The following NPHP4 variants were observed in gnomAD, a reference collection of about 807,000 sequenced individuals.
NPHP4 encodes nephrocystin 4.
In NPHP4, 151 loss-of-function variants were observed where a neutral mutation model predicts 155.8. That is an observed-to-expected ratio of 0.97 (90% confidence interval 0.85 to 1.11). The LOEUF (loss-of-function observed/expected upper bound fraction) is 1.11. Among genes scored for constraint, NPHP4 ranks in the 50% least tolerant of loss-of-function variants. The pLI, the probability that NPHP4 is intolerant of heterozygous loss-of-function variation, is 0.00. For synonymous variants in NPHP4, 845 were observed against 816.8 expected (o/e 1.03, Z -0.59); for missense variants, 1,956 against 1,925.7 (o/e 1.02, Z -0.29).
At chr1:5,883,869 A>T (rs1459977209) in intron 18 of NPHP4, among the ~76,000 whole-genome samples, 3 of 146,124 alleles carry the variant, frequency 2.1e-5, no homozygotes, top group Non-Finnish European at 2.9e-5. Flanking sequence ...TGGCAAGGCC[A>T]ACTGGGCCTG....
chr1:5,911,574 GT>G (rs1352532164), intron 11 of NPHP4, among the ~76,000 whole-genome samples: 5 of 152,154 alleles, frequency 3.3e-5, no homozygotes, highest in Non-Finnish European at 1.5e-5. Context: ...AGTGTGGAAA[GT>G]TTTTTCAAGT....
intron 16 of NPHP4, among the ~76,000 whole-genome samples, chr1:5,904,237 G>C (rs1201519098): frequency 6.6e-6 from 1 of 152,150 alleles, no homozygotes; most frequent in East Asian, 1.9e-4. Flanking sequence ...AATGTTATGA[G>C]GTTACTAGCA....
At chr1:5,898,440 G>A (rs919646379) in intron 16 of NPHP4, among the ~76,000 whole-genome samples, 7 of 152,298 alleles carry the variant, frequency 4.6e-5, no homozygotes, top group Admixed American at 3.9e-4. Context: ...GGGCTCCTTG[G>A]CTCCTCCAGG....
chr1:5,985,676 C>G (rs374636117), intron 2 of NPHP4, among the ~76,000 whole-genome samples: 3 of 152,238 alleles, frequency 2.0e-5, no homozygotes, highest in Admixed American at 6.5e-5. Context: ...CATAGATTCT[C>G]TTTGCTGATG....
chr1:5,870,149 G>A (rs12405167), intron 23 of NPHP4, among the ~76,000 whole-genome samples: 11,271 of 152,118 alleles, frequency 0.074, 548 homozygotes, highest in East Asian at 0.16. Flanking sequence ...AAAGGAACCC[G>A]AGCTAAATAG....
chr1:5,925,731 T>A (rs530285935), intron 11 of NPHP4, among the ~76,000 whole-genome samples: 1 of 152,130 alleles, frequency 6.6e-6, no homozygotes, highest in Non-Finnish European at 1.5e-5. Flanking sequence ...TTCTCCTGCC[T>A]CAGCCTCCCA....
chr1:5,951,233 G>A lies in NPHP4; in HGVS notation c.810+1467C>T, dbSNP rs550625232. On this transcript the variant is annotated intron_variant, in intron 7 of 29. Transcript: ENST00000378156. ...GCCGGGCCCAAGGCCTCCCTCTGCCGTCCTTCCTCGTGTCGCGCAGTCACA... is the reference window on the plus strand; with the variant it reads ...GCCGGGCCCAAGGCCTCCCTCTGCCATCCTTCCTCGTGTCGCGCAGTCACA... Among the ~76,000 whole-genome samples the A allele has an allele frequency of 5.9e-5, 9 of 152,310 alleles. No individual in the cohort carries two copies. The East Asian group carries it at 1.5e-3, about 26-fold the overall frequency.
chr1:5,973,671 T>C (rs1652999692), intron 3 of NPHP4, among the ~76,000 whole-genome samples: 1 of 152,244 alleles, frequency 6.6e-6, no homozygotes, highest in African/African-American at 2.4e-5. Flanking sequence ...TGTCCCCAGA[T>C]GACTGACAGT....
intron 2 of NPHP4, among the ~76,000 whole-genome samples, chr1:5,983,132 G>A (rs1381929485): frequency 1.3e-5 from 2 of 152,154 alleles, no homozygotes; most frequent in Non-Finnish European, 2.9e-5. Flanking sequence ...AAATCCCTAT[G>A]AGTGTTCTGA....
chr1:5,951,578 C>G (rs988864367), intron 7 of NPHP4, among the ~76,000 whole-genome samples: 2 of 152,220 alleles, frequency 1.3e-5, no homozygotes, highest in South Asian at 4.1e-4. Flanking sequence ...AGGGCTCCAG[C>G]AGAACCAGGC....
intron 17 of NPHP4, chr1:5,888,694 T>C (rs777403420): frequency 5.6e-6 from 6 of 1,063,500 alleles, no homozygotes; most frequent in Admixed American, 2.2e-5. Flanking sequence ...AAGGCACCAT[T>C]TTCCTCCCAA....
chr1:5,988,892 G>C (rs1196620347), intron 1 of NPHP4, among the ~76,000 whole-genome samples: 1 of 151,318 alleles, frequency 6.6e-6, no homozygotes, highest in African/African-American at 2.5e-5. Flanking sequence ...GATGCTGCAT[G>C]TGGGCCAGGT....
Position 5,863,263 on chromosome 1 carries a change from C to T in NPHP4, c.*2G>A, listed in dbSNP as rs1273858530. On this transcript the variant is annotated 3_prime_UTR_variant, in exon 30 of 30. Transcript: ENST00000378156. ...CGCAGGAAGGACGTCACCCTCAAGC[C>T]CTCACTGGTAGATGACCTTCACGCA... is the stretch of plus-strand genomic sequence containing the variant. 1 of 1,614,060 alleles carries T rather than the reference C, an allele frequency of 6.2e-7. No individual in the cohort carries two copies. Among genetic ancestry groups the T allele is most frequent in the Non-Finnish European group, 8.5e-7 (1 of 1,179,892 alleles).
At chr1:5,893,768 G>C (rs1307149935) in intron 16 of NPHP4, among the ~76,000 whole-genome samples, 1 of 152,220 alleles carries the variant, frequency 6.6e-6, no homozygotes, top group Non-Finnish European at 1.5e-5. Context: ...TAAGTAGCGG[G>C]TGTTGTTCCT....
At chr1:5,898,760 GC>G (rs1431150504) in intron 16 of NPHP4, among the ~76,000 whole-genome samples, 1 of 152,230 alleles carries the variant, frequency 6.6e-6, no homozygotes, top group Non-Finnish European at 1.5e-5. Flanking sequence ...TGGGTATGGG[GC>G]CAGTGCTTTA....
chr1:5,863,337 C>T lies in NPHP4; in HGVS notation c.4209G>A (p.Glu1403=), dbSNP rs1270648884. ...FAPSQRVGEE[E]ILIYINDHED... Reference sequence around the variant, plus strand: ...CATGGTCATTGATGTAGATCAGGATCTCCTCCTCACCCACTCTCTGACTAG... The same window carrying T: ...CATGGTCATTGATGTAGATCAGGATTTCCTCCTCACCCACTCTCTGACTAG... Residue 1403 remains glutamate (E), a synonymous_variant, in exon 30 of 30, where the codon GAG becomes GAA. Transcript: ENST00000378156. 6.2e-7 allele frequency: 1 copy of T among 1,613,852 alleles called. No individual in the cohort carries two copies. The highest frequency in any genetic ancestry group is 8.5e-7 in the Non-Finnish European group (1 of 1,179,836).
At chr1:5,870,005 G>A (rs1042456752) in intron 23 of NPHP4, among the ~76,000 whole-genome samples, 5 of 152,242 alleles carry the variant, frequency 3.3e-5, no homozygotes, top group South Asian at 2.1e-4. Context: ...CACATATTGT[G>A]TATGTATGTA....
At chr1:5,887,181 T>C (rs1259170182) in intron 18 of NPHP4, 105 bp downstream of exon 18, 23 of 1,092,808 alleles carry the variant, frequency 2.1e-5, no homozygotes, top group Non-Finnish European at 2.8e-5. Context: ...GGTTTCCTCC[T>C]GGGCCCGTGA....
rs1484484784 is a variant in NPHP4, at chr1:5,907,137, G to A, written c.1589C>T (p.Ser530Phe). ...ARPTSQLPHG[S>F]QASPAQAQEF... is the part of the protein sequence containing the mutation. ...TACTGCCTGGGCCGGGGAGGCCTGA[G>A]AGCCATGGGGTAGCTGTGAAGTAGG... Residue 530 changes from serine (S) to phenylalanine (F), a missense_variant, in exon 13 of 30, where the codon TCT becomes TTT. Physicochemically the swap from Ser to Phe is radical, Grantham distance 155. Coordinates refer to ENST00000378156, the MANE Select transcript of NPHP4 (RefSeq NM_015102.5). 3.2e-6 allele frequency: 5 copies of A among 1,561,108 alleles called. No homozygotes were observed. The highest frequency in any genetic ancestry group is 3.5e-6 in the Non-Finnish European group (4 of 1,150,398).
Sources: allele counts gnomAD v4.1 joint callset (sites outside exome capture counted in the v4.1 genomes callset), GRCh38; gene constraint gnomAD v4.1.1; transcripts MANE v1.5; gene names NCBI Gene and HGNC (gene_info 2026-07-23, HGNC 2026-07-21).